The following PDE4D variants were observed in gnomAD, a reference collection of about 807,000 sequenced individuals.
The protein encoded by PDE4D is 3',5'-cyclic-AMP phosphodiesterase 4D.
PDE4D carries 24 observed loss-of-function variants against 87.4 expected under a neutral mutation model. The ratio of observed to expected loss-of-function variants is 0.27; its 90% CI spans 0.20 to 0.39. The LOEUF is 0.39. Ranked by LOEUF, PDE4D falls within the 10% of genes least tolerant of loss-of-function variation. The pLI, the probability that PDE4D is intolerant of heterozygous loss-of-function variation, is 1.00. For missense variants in PDE4D, 714 were observed against 1,041.0 expected (o/e 0.69, Z 4.32); for synonymous variants, 384 against 383.2 (o/e 1.00, Z -0.02).
At chr5:59,321,907 T>C (rs1469624484) in intron 1 of PDE4D, among the ~76,000 whole-genome samples, 1 of 152,134 alleles carries the variant, frequency 6.6e-6, no homozygotes, top group African/African-American at 2.4e-5. Context: ...AGTACTAGGA[T>C]TATTTGGGCT....
intron 3 of PDE4D, among the ~76,000 whole-genome samples, chr5:59,953,578 T>G (rs1234896296): frequency 2.6e-5 from 4 of 152,174 alleles, no homozygotes; most frequent in African/African-American, 9.7e-5. Context: ...CTTGTAAATC[T>G]CCATTTCCTA....
chr5:59,158,057 T>A (rs1317565527), intron 5 of PDE4D, among the ~76,000 whole-genome samples: 1 of 152,190 alleles, frequency 6.6e-6, no homozygotes, highest in Non-Finnish European at 1.5e-5. Context: ...TTATATTGAA[T>A]TTATATTGAG....
chr5:60,384,127 G>C (rs528277562), intron 1 of PDE4D, among the ~76,000 whole-genome samples: 2 of 152,256 alleles, frequency 1.3e-5, no homozygotes, highest in South Asian at 4.1e-4. Context: ...AATTCAAACA[G>C]AAATAGGGAC....
intron 1 of PDE4D, among the ~76,000 whole-genome samples, chr5:60,513,001 T>C (rs1181129930): frequency 6.6e-6 from 1 of 151,916 alleles, no homozygotes; most frequent in African/African-American, 2.4e-5. Flanking sequence ...TGGAAAATAA[T>C]AATAAATTTT....
intron 1 of PDE4D, among the ~76,000 whole-genome samples, chr5:60,241,226 A>T (rs1328536552): frequency 6.6e-6 from 1 of 151,816 alleles, no homozygotes; most frequent in East Asian, 1.9e-4. Flanking sequence ...TGAAAAATGC[A>T]ATTGATATAC....
At chr5:59,618,015 T>G (rs1309223646) in intron 1 of PDE4D, among the ~76,000 whole-genome samples, 1 of 152,170 alleles carries the variant, frequency 6.6e-6, no homozygotes, top group Admixed American at 6.6e-5. Flanking sequence ...TCTGATTTTT[T>G]TTTTTACTAA....
chr5:60,139,595 A>G (rs1213208925), intron 2 of PDE4D, among the ~76,000 whole-genome samples: 2 of 152,080 alleles, frequency 1.3e-5, no homozygotes, highest in Non-Finnish European at 2.9e-5. Context: ...AACTCAATAT[A>G]TAACCCAATA....
At chr5:60,492,684 CTGAA>C (rs1441153712), upstream of PDE4D, among the ~76,000 whole-genome samples, 2 of 151,962 alleles carry the variant, frequency 1.3e-5, no homozygotes, top group African/African-American at 2.4e-5. Context: ...TAGGTGGGAA[CTGAA>C]CAATGAGAAC....
intron 2 of PDE4D, among the ~76,000 whole-genome samples, chr5:60,058,161 G>A (rs1456956393): frequency 6.6e-6 from 1 of 151,920 alleles, no homozygotes; most frequent in African/African-American, 2.4e-5. Flanking sequence ...TATAACTTAA[G>A]TTTTGAGCAT....
intron 1 of PDE4D, among the ~76,000 whole-genome samples, chr5:59,535,348 C>A (rs34660223): frequency 0.19 from 29,012 of 152,006 alleles, 3,293 homozygotes; most frequent in Non-Finnish European, 0.26. Flanking sequence ...TAAAGTTCCC[C>A]AGGTGATTGA....
At chr5:59,594,414 G>A (rs979118943) in intron 1 of PDE4D, among the ~76,000 whole-genome samples, 3 of 151,854 alleles carry the variant, frequency 2.0e-5, no homozygotes, top group Non-Finnish European at 4.4e-5. Flanking sequence ...TCCGCCTCCC[G>A]GGTTCAAGCA....
intron 1 of PDE4D, among the ~76,000 whole-genome samples, chr5:59,784,798 G>A (rs1764991744): frequency 6.6e-6 from 1 of 152,150 alleles, no homozygotes; most frequent in Non-Finnish European, 1.5e-5. Flanking sequence ...GGAGGGACCT[G>A]GTGGGAGATA....
Position 59,900,171 on chromosome 5 carries a change from T to C in PDE4D, c.272+88317A>G, listed in dbSNP as rs143710382. Among the ~76,000 whole-genome samples, 822 of 149,548 alleles carry C rather than the reference T, an allele frequency of 5.5e-3. 6 individuals are homozygous for C. The highest frequency in any genetic ancestry group is 0.019 in the African/African-American group (783 of 40,626). ...AGGAAAATTGCTTGAACCCGGGAGG[T>C]GAATGTTGCAGTGAGCCATGATCAC... is the stretch of plus-strand genomic sequence containing the variant. On this transcript the variant is annotated intron_variant, in intron 3 of 16. Transcript: ENST00000502484.
At chr5:60,488,181 C>T (rs1249580094), upstream of PDE4D, 1 of 152,562 alleles carries the variant, frequency 6.6e-6, no homozygotes, top group Non-Finnish European at 1.5e-5. Flanking sequence ...AAGGGCTGCA[C>T]TGGAACAACA....
intron 1 of PDE4D, among the ~76,000 whole-genome samples, chr5:59,740,334 C>A (rs1473642746): frequency 6.6e-6 from 1 of 152,110 alleles, no homozygotes. Context: ...TGACCTGGAA[C>A]AGTCATCCTT....
intron 1 of PDE4D, among the ~76,000 whole-genome samples, chr5:59,644,252 T>C (rs1742091113): frequency 6.6e-6 from 1 of 152,202 alleles, no homozygotes; most frequent in African/African-American, 2.4e-5. Context: ...TAAGATAAAA[T>C]AGTACCTTGG....
chr5:59,599,616 T>C (rs1827214767), intron 1 of PDE4D, among the ~76,000 whole-genome samples: 1 of 152,190 alleles, frequency 6.6e-6, no homozygotes, highest in South Asian at 2.1e-4. Flanking sequence ...GCATTCATGC[T>C]AAACCATCAT....
intron 12 of PDE4D, 38 bp from the exon 13 acceptor site, chr5:58,976,510 C>T (rs1459636772): frequency 7.0e-7 from 1 of 1,421,560 alleles, no homozygotes; most frequent in Admixed American, 2.1e-5. Flanking sequence ...TCAGAGAAAA[C>T]AGAATTTACA....
chr5:60,130,933 A>G (rs1275129565), intron 2 of PDE4D, among the ~76,000 whole-genome samples: 1 of 152,196 alleles, frequency 6.6e-6, no homozygotes, highest in Non-Finnish European at 1.5e-5. Flanking sequence ...AAAACTATAA[A>G]CAGGGTTTTC....
Sources: allele counts gnomAD v4.1 joint callset (sites outside exome capture counted in the v4.1 genomes callset), GRCh38; gene constraint gnomAD v4.1.1; transcripts MANE v1.5; gene names NCBI Gene and HGNC (gene_info 2026-07-23, HGNC 2026-07-21).